The following TMC1 variants were observed in gnomAD, a reference collection of about 807,000 sequenced individuals.
TMC1 encodes the protein transmembrane channel-like protein 1.
Under a neutral mutation model 105.8 loss-of-function variants are expected in TMC1, and 84 were observed. The ratio of observed to expected loss-of-function variants is 0.79; its 90% CI spans 0.67 to 0.95. The LOEUF (loss-of-function observed/expected upper bound fraction) is 0.95. Among genes scored for constraint, TMC1 ranks in the 40% least tolerant of loss-of-function variants. The pLI is 0.00. For synonymous variants in TMC1, 315 were observed against 311.5 expected, an observed-to-expected ratio of 1.01 and a Z score of -0.12; for missense variants, 817 against 914.1, an observed-to-expected ratio of 0.89 and a Z score of 1.37.
At chr9:72,728,655 C>T (rs1041307962) in intron 8 of TMC1, among the ~76,000 whole-genome samples, 1 of 152,034 alleles carries the variant, frequency 6.6e-6, no homozygotes. Context: ...AATAGTACAA[C>T]CTCCCAAATT....
At chr9:72,575,877 G>A (rs187849571) in intron 1 of TMC1, among the ~76,000 whole-genome samples, 3 of 151,256 alleles carry the variant, frequency 2.0e-5, no homozygotes, top group East Asian at 3.9e-4. Context: ...GTTCCTATGA[G>A]TCAGGAAAGA....
At position 72,596,666 on chromosome 9, in the gene TMC1, G is replaced by A. The variant is rs1038483460; in HGVS notation, c.-306+18643G>A. 5.8e-4 allele frequency among the ~76,000 whole-genome samples: 88 copies of A among 152,186 alleles called. 1 individual carries two copies. The highest frequency in any genetic ancestry group is 3.4e-3 in the Middle Eastern group (1 of 294). ...GTCTATAGCAGATGATGCCTGATAA[G>A]GAATTGTACATACCGTTCTTCGTGA... On this transcript the variant is annotated intron_variant, in intron 2 of 23. Coordinates refer to ENST00000297784, the MANE Select transcript of TMC1 (RefSeq NM_138691.3).
At chr9:72,701,868 A>T (rs376067697) in intron 8 of TMC1, among the ~76,000 whole-genome samples, 1 of 152,100 alleles carries the variant, frequency 6.6e-6, no homozygotes. Flanking sequence ...TTCCCAGAAA[A>T]CTTTTGCAAC....
rs527664014 is a variant in TMC1, at chr9:72,658,353, G to T, written c.16+9689G>T. 4.0e-5 allele frequency among the ~76,000 whole-genome samples: 6 copies of T among 150,986 alleles called. No individual in the cohort carries two copies. In the South Asian group the frequency reaches 1.3e-3, roughly 31 times the overall value. ...CGTCTAAAAAAAAAAAAAAAACTATGGTTGTTCACCATAACTAAACATTTA... is the reference window on the plus strand; with the variant it reads ...CGTCTAAAAAAAAAAAAAAAACTATTGTTGTTCACCATAACTAAACATTTA... On this transcript the variant is annotated intron_variant, in intron 5 of 23. Coordinates refer to ENST00000297784, the MANE Select transcript of TMC1 (RefSeq NM_138691.3).
At chr9:72,830,414 T>A in intron 21 of TMC1, 37 bp from the exon 22 acceptor site, 2 of 1,431,808 alleles carry the variant, frequency 1.4e-6, no homozygotes, top group East Asian at 4.6e-5. Flanking sequence ...GGAACTGAAA[T>A]ATACCTTACA....
At chr9:72,740,005 G>T (rs1827360853) in intron 8 of TMC1, 114 bp from the exon 9 acceptor site, 15 of 785,144 alleles carry the variant, frequency 1.9e-5, no homozygotes, top group Middle Eastern at 2.9e-4. Flanking sequence ...CACCTGTGAA[G>T]GATCTAGAAG....
chr9:72,715,169 C>T (rs1194686220), intron 8 of TMC1, among the ~76,000 whole-genome samples: 1 of 152,146 alleles, frequency 6.6e-6, no homozygotes, highest in Non-Finnish European at 1.5e-5. Context: ...GGTAACCCAA[C>T]CTTTCTCTCT....
At chr9:72,578,335 G>A (rs1429751987) in intron 2 of TMC1, 1 of 152,076 alleles carries the variant, frequency 6.6e-6, no homozygotes, top group South Asian at 2.1e-4. Flanking sequence ...GGGGCAGAGA[G>A]TCTCAAGCAG....
intron 2 of TMC1, among the ~76,000 whole-genome samples, chr9:72,601,697 G>A (rs981637740): frequency 1.1e-4 from 16 of 151,968 alleles, no homozygotes; most frequent in African/African-American, 3.9e-4. Flanking sequence ...AAACATATTA[G>A]CTTGGCATGG....
intron 8 of TMC1, among the ~76,000 whole-genome samples, chr9:72,711,691 G>C (rs1287466931): frequency 6.6e-6 from 1 of 152,150 alleles, no homozygotes; most frequent in Non-Finnish European, 1.5e-5. Context: ...TGGATAGATT[G>C]CAAATATTTT....
chr9:72,665,867 C>T (rs1826034926), intron 5 of TMC1, among the ~76,000 whole-genome samples: 1 of 152,154 alleles, frequency 6.6e-6, no homozygotes, highest in Non-Finnish European at 1.5e-5. Context: ...GGAACATTTT[C>T]CCACTCACAA....
intron 8 of TMC1, among the ~76,000 whole-genome samples, chr9:72,737,270 C>T (rs1274239383): frequency 3.9e-5 from 6 of 152,096 alleles, no homozygotes; most frequent in South Asian, 2.1e-4. Flanking sequence ...CAAATTGTTC[C>T]GTAATATATC....
intron 8 of TMC1, among the ~76,000 whole-genome samples, chr9:72,710,286 G>C (rs1172530478): frequency 6.6e-6 from 1 of 152,146 alleles, no homozygotes; most frequent in Non-Finnish European, 1.5e-5. Context: ...CTTGGAGAAA[G>C]TTCCATGCAC....
intron 12 of TMC1, among the ~76,000 whole-genome samples, chr9:72,756,063 C>T (rs1268827824): frequency 1.3e-5 from 2 of 152,062 alleles, no homozygotes; most frequent in Admixed American, 6.6e-5. Context: ...TTCCCATCTC[C>T]GAATGAACAA....
intron 1 of TMC1, among the ~76,000 whole-genome samples, chr9:72,524,686 T>G (rs1194118407): frequency 6.6e-6 from 1 of 152,232 alleles, no homozygotes; most frequent in Non-Finnish European, 1.5e-5. Context: ...AAGCATTCAT[T>G]CTTATGGTAG....
intron 5 of TMC1, among the ~76,000 whole-genome samples, chr9:72,653,475 A>G (rs1588014047): frequency 6.6e-6 from 1 of 152,354 alleles, no homozygotes; most frequent in East Asian, 1.9e-4. Context: ...ATAGGTTACT[A>G]TTCAACAATA....
chr9:72,693,358 T>C (rs1826500242), intron 6 of TMC1, among the ~76,000 whole-genome samples: 1 of 152,134 alleles, frequency 6.6e-6, no homozygotes, highest in African/African-American at 2.4e-5. Flanking sequence ...GTCCAAAGAA[T>C]AGATACATTT....
At chr9:72,528,414 A>G (rs561278108) in intron 1 of TMC1, among the ~76,000 whole-genome samples, 1 of 149,136 alleles carries the variant, frequency 6.7e-6, no homozygotes, top group East Asian at 2.0e-4. Context: ...GGCTCACAAC[A>G]AACTCCGCCT....
intron 10 of TMC1, among the ~76,000 whole-genome samples, chr9:72,750,566 T>A (rs777015340): frequency 1.3e-5 from 2 of 151,700 alleles, no homozygotes; most frequent in Non-Finnish European, 2.9e-5. Flanking sequence ...TCTCTCCCAA[T>A]GAGAATTAAC....
Sources: allele counts gnomAD v4.1 joint callset (sites outside exome capture counted in the v4.1 genomes callset), GRCh38; gene constraint gnomAD v4.1.1; transcripts MANE v1.5; gene names NCBI Gene and HGNC (gene_info 2026-07-23, HGNC 2026-07-21).